DBNDD1: variants seen among roughly 807,000 people sequenced by gnomAD.
DBNDD1 encodes dysbindin domain-containing protein 1.
In DBNDD1, 14 loss-of-function variants were observed where a neutral mutation model predicts 17.0. The ratio of observed to expected loss-of-function variants is 0.82; its 90% CI spans 0.54 to 1.29. DBNDD1 has a LOEUF of 1.29. Among genes scored for constraint, DBNDD1 ranks in the 50% most tolerant of loss-of-function variants. The probability of loss-of-function intolerance (pLI) is 0.00; values close to 1 mark genes in which losing one functional copy is unlikely to be tolerated. For synonymous variants in DBNDD1, 105 were observed against 102.0 expected (o/e 1.03, Z -0.18); for missense variants, 221 against 216.2 (o/e 1.02, Z -0.14).
upstream of DBNDD1, chr16:90,019,679 C>T (rs1305192579): frequency 5.5e-6 from 3 of 548,274 alleles, no homozygotes; most frequent in East Asian, 6.8e-5. This position sits in a 1 kb window ranked among gnomAD's most constrained non-coding sequence, Gnocchi z 6.1. Flanking sequence ...CGGGACCTGG[C>T]TGCGCCCTCC....
intron 3 of DBNDD1, 53 bp from the exon 4 acceptor site, chr16:90,006,545 G>C: frequency 6.4e-7 from 1 of 1,569,944 alleles, no homozygotes. Context: ...CTGGGTGGAT[G>C]CTGCGGAGCT....
chr16:90,015,465 AAGTTTTT>A (rs1198711408), intron 1 of DBNDD1, among the ~76,000 whole-genome samples: 1 of 152,230 alleles, frequency 6.6e-6, no homozygotes, highest in African/African-American at 2.4e-5. Context: ...ATTAGCAGTT[AAGTTTTT>A]GGGGAGTGAA....
intron 3 of DBNDD1, 142 bp from the exon 4 acceptor site, chr16:90,006,634 C>A: frequency 9.0e-7 from 1 of 1,116,156 alleles, no homozygotes; most frequent in East Asian, 2.6e-5. Context: ...ACACATCTAC[C>A]TCTAACGGGA....
chr16:90,006,497 G>C lies in DBNDD1; in HGVS notation c.320-5C>G, dbSNP rs1335654559. 1 of 1,595,232 alleles carries C rather than the reference G, an allele frequency of 6.3e-7. No individual in the cohort carries two copies. The highest frequency in any genetic ancestry group is 8.5e-7 in the Non-Finnish European group (1 of 1,177,788). ...CCCGGGGCAGCGGGTGCAGACCTAG[G>C]GGCATGCGGGAAGGGGAACTCGGTG... On this transcript the variant is annotated splice_region_variant and splice_polypyrimidine_tract_variant and intron_variant, in intron 3 of 3. Transcript: ENST00000002501.
At chr16:90,009,467 A>T (rs1161119441) in intron 1 of DBNDD1, 37 bp from the exon 2 acceptor site, 1 of 1,602,806 alleles carries the variant, frequency 6.2e-7, no homozygotes, top group Non-Finnish European at 8.5e-7. Context: ...TGAGATCCAC[A>T]GGGCTCCCAC....
chr16:90,009,641 C>G (rs1597579398), intron 1 of DBNDD1: 1 of 684,852 alleles, frequency 1.5e-6, no homozygotes, highest in Non-Finnish European at 2.4e-6. Flanking sequence ...TCCCCTTGGG[C>G]CCTGGCCTCC....
At chr16:90,014,639 G>A (rs2035609489) in intron 1 of DBNDD1, among the ~76,000 whole-genome samples, 1 of 152,146 alleles carries the variant, frequency 6.6e-6, no homozygotes, top group African/African-American at 2.4e-5. Flanking sequence ...ACAGCTTCTG[G>A]GACAAAGCTC....
intron 1 of DBNDD1, among the ~76,000 whole-genome samples, chr16:90,014,237 T>C (rs1239687385): frequency 2.6e-5 from 4 of 152,066 alleles, no homozygotes; most frequent in South Asian, 2.1e-4. Context: ...AGGGATCCTC[T>C]TGCCTCAGCC....
chr16:90,014,470 G>C (rs1334308111), intron 1 of DBNDD1, among the ~76,000 whole-genome samples: 1 of 152,142 alleles, frequency 6.6e-6, no homozygotes, highest in Non-Finnish European at 1.5e-5. Flanking sequence ...ACAGTCCAGA[G>C]GGAGGTAAGT....
chr16:90,018,541 A>G (rs1379140485), intron 1 of DBNDD1, among the ~76,000 whole-genome samples: 2 of 152,132 alleles, frequency 1.3e-5, no homozygotes, highest in African/African-American at 4.8e-5. Context: ...GGGCAGGTGG[A>G]GGAGTCTGCA....
chr16:90,019,258 C>G lies in DBNDD1; in HGVS notation c.31+53G>C, dbSNP rs895701563. ...TGAGCCCTGGGGGGAGGGGCTGCGG[C>G]TCGCTGCGGGGAAGCGCTGCGCGGG... On this transcript the variant is annotated intron_variant, in intron 1 of 3. Transcript: ENST00000002501. This position sits in a 1 kb window ranked among gnomAD's most constrained non-coding sequence, Gnocchi z 6.1. The G allele has an allele frequency of 1.5e-5, 16 of 1,048,672 alleles. No individual in the cohort carries two copies. The highest frequency in any genetic ancestry group is 3.5e-4 in the Middle Eastern group (1 of 2,840). The allele number at this position is 1,048,672 out of a possible 1,614,324, so 65.0% of individuals were successfully genotyped here.
chr16:90,015,566 T>C (rs2035626528), intron 1 of DBNDD1, among the ~76,000 whole-genome samples: 1 of 152,316 alleles, frequency 6.6e-6, no homozygotes, highest in Admixed American at 6.5e-5. Flanking sequence ...CACATGCATG[T>C]TCATAGCGTG....
At chr16:90,013,282 A>AAAAAAAAAAAAAAAAAAAAAAAC (rs2035588378) in intron 1 of DBNDD1, among the ~76,000 whole-genome samples, 1 of 149,902 alleles carries the variant, frequency 6.7e-6, no homozygotes, top group Non-Finnish European at 1.5e-5. Context: ...AAAAAAAAAA[A>AAAAAAAAAAAAAAAAAAAAAAAC]AGACAGTGGC....
upstream of DBNDD1, chr16:90,019,654 C>G: frequency 2.3e-6 from 1 of 440,300 alleles, no homozygotes; most frequent in Non-Finnish European, 4.0e-6. This position sits in a 1 kb window ranked among gnomAD's most constrained non-coding sequence, Gnocchi z 6.1. Context: ...GGCCGCGCCC[C>G]GCCGCGGACA....
chr16:90,015,639 T>C (rs1178615638), intron 1 of DBNDD1, among the ~76,000 whole-genome samples: 1 of 152,136 alleles, frequency 6.6e-6, no homozygotes, highest in Non-Finnish European at 1.5e-5. Context: ...ATAAACAGAA[T>C]GTGGTCTGTG....
chr16:90,012,449 CCTCCT>C (rs376122040), intron 1 of DBNDD1, among the ~76,000 whole-genome samples: 2,041 of 151,658 alleles, frequency 0.013, 36 homozygotes, highest in South Asian at 0.029. Context: ...AGGGGCACCC[CCTCCT>C]CTCCTCTCTC....
At chr16:90,012,979 C>T (rs2035580592) in intron 1 of DBNDD1, among the ~76,000 whole-genome samples, 1 of 152,020 alleles carries the variant, frequency 6.6e-6, no homozygotes, top group African/African-American at 2.4e-5. Context: ...TTCAAGCGAT[C>T]ATACACCCTG....
chr16:90,005,000 C>G lies in DBNDD1; in HGVS notation c.*1335G>C, dbSNP rs1327391169. ...GTGTGGCCAGGGACACAAGGCTGCC[C>G]TTATGGGACTGAAAGAGAAAGCTGC... On this transcript the variant is annotated 3_prime_UTR_variant, in exon 4 of 4. Coordinates refer to ENST00000002501, the MANE Select transcript of DBNDD1 (RefSeq NM_001042610.3). The G allele has an allele frequency of 1.3e-5, 2 of 152,680 alleles. No homozygotes were observed. The highest frequency in any genetic ancestry group is 4.8e-5 in the African/African-American group (2 of 41,452). The allele number at this position is 152,680 out of a possible 1,614,324, so 9.5% of individuals were successfully genotyped here.
chr16:90,017,291 C>G (rs138372213), intron 1 of DBNDD1, among the ~76,000 whole-genome samples: 8,158 of 152,192 alleles, frequency 0.054, 313 homozygotes, highest in East Asian at 0.16. Context: ...GTCAGGAGAT[C>G]GAGATCATCC....
Sources: allele counts gnomAD v4.1 joint callset (sites outside exome capture counted in the v4.1 genomes callset), GRCh38; gene constraint gnomAD v4.1.1; non-coding constraint Gnocchi (gnomAD v3.1); transcripts MANE v1.5; gene names NCBI Gene and HGNC (gene_info 2026-07-23, HGNC 2026-07-21).